PROX1: variants seen among roughly 807,000 people sequenced by gnomAD.
PROX1 encodes prospero homeobox 1, also known as prospero homeobox protein 1.
Under a neutral mutation model 58.8 loss-of-function variants are expected in PROX1, and 7 were observed. The ratio of observed to expected loss-of-function variants is 0.12; its 90% CI spans 0.07 to 0.22. The LOEUF (loss-of-function observed/expected upper bound fraction) is 0.22, where lower values mean the gene tolerates loss of function less well. Ranked by LOEUF, PROX1 falls within the 10% of genes least tolerant of loss-of-function variation. PROX1 has a pLI of 1.00. For synonymous variants in PROX1, 350 were observed against 358.3 expected (o/e 0.98, Z 0.26); for missense variants, 675 against 927.8 (o/e 0.73, Z 3.54).
chr1:213,990,634 G>A (rs1289990531), intron 1 of PROX1, among the ~76,000 whole-genome samples: 1 of 141,780 alleles, frequency 7.1e-6, no homozygotes, highest in Non-Finnish European at 1.5e-5. Context: ...GCTTGGCAGA[G>A]AGAGAGAGAG....
chr1:213,990,789 G>A (rs1663008013), intron 1 of PROX1, among the ~76,000 whole-genome samples: 1 of 151,534 alleles, frequency 6.6e-6, no homozygotes, highest in African/African-American at 2.4e-5. Context: ...TGTTACTGTT[G>A]TTAAAGCTTA....
At chr1:214,019,774 C>T (rs1173754105) in intron 4 of PROX1, among the ~76,000 whole-genome samples, 3 of 152,186 alleles carry the variant, frequency 2.0e-5, no homozygotes, top group African/African-American at 2.4e-5. Flanking sequence ...GCAAATGTCC[C>T]ACGCCGCAAA....
chr1:213,992,790 A>G (rs997910460), intron 1 of PROX1, among the ~76,000 whole-genome samples: 1 of 152,290 alleles, frequency 6.6e-6, no homozygotes, highest in South Asian at 2.1e-4. Flanking sequence ...CTCCAGATAG[A>G]TGCAGTAAAA....
At chr1:213,991,668 A>G (rs1404799360) in intron 1 of PROX1, among the ~76,000 whole-genome samples, 1 of 152,224 alleles carries the variant, frequency 6.6e-6, no homozygotes. Context: ...ATTTCCTAGC[A>G]TCATTCCTCT....
intron 4 of PROX1, among the ~76,000 whole-genome samples, chr1:214,018,239 C>G (rs1295533081): frequency 6.6e-6 from 1 of 152,190 alleles, no homozygotes; most frequent in Non-Finnish European, 1.5e-5. Context: ...GGTTCTTTGT[C>G]AGTCACAGGG....
intron 2 of PROX1, among the ~76,000 whole-genome samples, chr1:213,999,282 G>A (rs1663404722): frequency 6.6e-6 from 1 of 151,970 alleles, no homozygotes; most frequent in Non-Finnish European, 1.5e-5. Context: ...TGGTCTTTTG[G>A]GAGTAGTAAA....
At chr1:214,031,077 G>A (rs1197620247) in intron 4 of PROX1, among the ~76,000 whole-genome samples, 5 of 151,158 alleles carry the variant, frequency 3.3e-5, no homozygotes, top group African/African-American at 9.7e-5. Flanking sequence ...GCGCGCGCGC[G>A]CATTCGCGCA....
chr1:214,031,525 C>A (rs1176909528), intron 4 of PROX1, among the ~76,000 whole-genome samples: 1 of 152,084 alleles, frequency 6.6e-6, no homozygotes, highest in Non-Finnish European at 1.5e-5. Context: ...GTCTTGCATT[C>A]CAGTGACTTG....
At chr1:214,023,823 T>C (rs1424841171) in intron 4 of PROX1, among the ~76,000 whole-genome samples, 2 of 152,182 alleles carry the variant, frequency 1.3e-5, no homozygotes, top group African/African-American at 4.8e-5. Context: ...AAAGTGACTT[T>C]CAGTAAAAGG....
chr1:214,025,285 C>T (rs1275472157), intron 4 of PROX1, among the ~76,000 whole-genome samples: 2 of 152,144 alleles, frequency 1.3e-5, no homozygotes, highest in African/African-American at 2.4e-5. Flanking sequence ...GTGAATCAAT[C>T]GAACTATCCT....
chr1:214,034,776 G>A (rs1429511731), intron 4 of PROX1, among the ~76,000 whole-genome samples: 2 of 152,052 alleles, frequency 1.3e-5, no homozygotes, highest in African/African-American at 4.8e-5. Flanking sequence ...TGTTTATTTT[G>A]GATGATAAGG....
intron 4 of PROX1, among the ~76,000 whole-genome samples, chr1:214,023,041 C>A (rs1275231721): frequency 6.6e-6 from 1 of 152,184 alleles, no homozygotes; most frequent in Non-Finnish European, 1.5e-5. Context: ...AGATCTGAAT[C>A]TCAACAGTGC....
rs1664861739 is a variant in PROX1, at chr1:214,037,348, A to C, written c.*1514A>C. ...TGATATACACCTCCTAAAATGACAC[A>C]GTAACAAATCTGGTATTTAGAACAT... On this transcript the variant is annotated 3_prime_UTR_variant, in exon 5 of 5. Coordinates refer to ENST00000366958, the MANE Select transcript of PROX1 (RefSeq NM_001270616.2). 6.6e-6 allele frequency: 1 copy of C among 152,240 alleles called. No homozygotes were observed. The allele number at this position is 152,240 out of a possible 1,614,324, so 9.4% of individuals were successfully genotyped here. A position where few individuals can be genotyped will look rare whatever the true frequency, so the allele number is the denominator to read the frequency against.
At chr1:214,001,783 A>G (rs3767846) in intron 2 of PROX1, among the ~76,000 whole-genome samples, 42,997 of 151,894 alleles carry the variant, frequency 0.28, 6,348 homozygotes, top group Admixed American at 0.39. Context: ...TAGCTAGAGC[A>G]AAACATGTAG....
intron 1 of PROX1, among the ~76,000 whole-genome samples, chr1:213,992,973 G>A (rs1468115272): frequency 1.3e-5 from 2 of 152,144 alleles, no homozygotes; most frequent in African/African-American, 4.8e-5. Context: ...AGATAATTCA[G>A]ATATTAAAGG....
Position 214,035,635 on chromosome 1 carries a change from C to G in PROX1, c.2029-14C>G, listed in dbSNP as rs771532349. 2 of 1,600,838 alleles carry G rather than the reference C, an allele frequency of 1.2e-6. No homozygotes were observed. The highest frequency in any genetic ancestry group is 2.7e-5 in the African/African-American group (2 of 74,564). On this transcript the variant is annotated splice_polypyrimidine_tract_variant and intron_variant, in intron 4 of 4. Coordinates refer to ENST00000366958, the MANE Select transcript of PROX1 (RefSeq NM_001270616.2). ...GAAAACTTTATTAATGCCATTGTCT[C>G]CTTGTATCAGCAGGTTCCAGAGAGA...
chr1:214,009,475 G>A (rs1663833177), intron 3 of PROX1, among the ~76,000 whole-genome samples: 1 of 152,222 alleles, frequency 6.6e-6, no homozygotes, highest in East Asian at 1.9e-4. Context: ...GCTTGCTTTT[G>A]CTTTTAGCCG....
Position 213,996,912 on chromosome 1 carries a change from A to G in PROX1, c.377A>G (p.Glu126Gly). The G allele has an allele frequency of 6.2e-7, 1 of 1,614,156 alleles. No individual in the cohort carries two copies. Among genetic ancestry groups the G allele is most frequent in the Non-Finnish European group, 8.5e-7 (1 of 1,180,024 alleles). ...LSSTGSEVHQ[E>G]DICSNSSRDS... ...AGTACAGGCTCCGAAGTACATCAGG[A>G]GGATATATGCAGCAACTCTTCAAGA... The change falls in exon 2 of 5, where the codon GAG becomes GGG. Residue 126 changes from glutamate (E) to glycine (G), a missense_variant. By Grantham distance (98) the Glu-to-Gly change is moderately conservative (BLOSUM62 -2). Transcript: ENST00000366958.
At chr1:213,994,433 C>T (rs532260865) in intron 1 of PROX1, among the ~76,000 whole-genome samples, 201 of 152,126 alleles carry the variant, frequency 1.3e-3, no homozygotes, top group African/African-American at 4.2e-3. Flanking sequence ...TTCCTTGTAA[C>T]CGCCCCCCAT....
Sources: allele counts gnomAD v4.1 joint callset (sites outside exome capture counted in the v4.1 genomes callset), GRCh38; gene constraint gnomAD v4.1.1; transcripts MANE v1.5; gene names NCBI Gene and HGNC (gene_info 2026-07-23, HGNC 2026-07-21).